The following OR9K2 variants were observed in gnomAD, a reference collection of about 807,000 sequenced individuals.
The protein encoded by OR9K2 is olfactory receptor family 9 subfamily K member 2.
A neutral mutation model predicts 12.4 loss-of-function variants in OR9K2; 16 were observed. The ratio of observed to expected loss-of-function variants is 1.29; its 90% CI spans 0.87 to 1.95. The LOEUF (loss-of-function observed/expected upper bound fraction) is 1.95. OR9K2 is among the 30% of genes most tolerant of loss of function. OR9K2 has a pLI of 0.00. For missense variants in OR9K2, 434 were observed against 376.5 expected (o/e 1.15, Z -1.26); for synonymous variants, 133 against 133.2 (o/e 1.00, Z 0.01).
In OR9K2 at chr12:55,131,882, A is replaced by T; in HGVS notation, c.*1106A>T. 1 of 152,218 alleles carries T rather than the reference A, an allele frequency of 6.6e-6. No homozygotes were observed. Among genetic ancestry groups the T allele is most frequent in the East Asian group, 1.9e-4 (1 of 5,198 alleles). The allele number at this position is 152,218 out of a possible 1,614,324, so 9.4% of individuals were successfully genotyped here. On this transcript the variant is annotated 3_prime_UTR_variant, in exon 3 of 3. Coordinates refer to ENST00000641329, the MANE Select transcript of OR9K2 (RefSeq NM_001005243.2). The stretch of plus-strand genomic sequence containing the variant: ...TGGTTTATAATATTGATGTGGGCTC[A>T]ATGGTATGTCGATATTAATGAACAA...
intron 2 of OR9K2, among the ~76,000 whole-genome samples, chr12:55,129,520 TG>T (rs761150775): frequency 9.9e-5 from 15 of 152,100 alleles, no homozygotes; most frequent in Non-Finnish European, 2.1e-4. Flanking sequence ...GTGTGAATCA[TG>T]AGTGGGAAAT....
chr12:55,131,016 A>T lies in OR9K2; in HGVS notation c.*240A>T. 1 of 336,048 alleles carries T rather than the reference A, an allele frequency of 3.0e-6. No homozygotes were observed. Among genetic ancestry groups the T allele is most frequent in the South Asian group, 5.1e-5 (1 of 19,668 alleles). The allele number at this position is 336,048 out of a possible 1,614,324, so 20.8% of individuals were successfully genotyped here. ...ATGATAAACCCTCTCACTGGTCTTCAACATTTTATTTCACAGAATTTATAT... is the reference window on the plus strand; with the variant it reads ...ATGATAAACCCTCTCACTGGTCTTCTACATTTTATTTCACAGAATTTATAT... On this transcript the variant is annotated 3_prime_UTR_variant, in exon 3 of 3. Transcript: ENST00000641329.
Position 55,130,020 on chromosome 12 carries a change from G to A in OR9K2, c.186G>A (p.Met62Ile), listed in dbSNP as rs568585391. Residue 62 changes from methionine to isoleucine, a missense_variant, in exon 3 of 3, where the codon ATG (methionine) becomes ATA (isoleucine). Transcript: ENST00000641329. ...CTGATCCTCGGCTGAACACACCAAT[G>A]TATTTTTTCCTAGGCAATCTCTCCT... is the stretch of plus-strand genomic sequence containing the variant. The part of the protein sequence containing the change: ...IMTDPRLNTP[M>I]YFFLGNLSFI... 3 of 1,613,330 alleles carry A rather than the reference G, an allele frequency of 1.9e-6. No individual in the cohort carries two copies. The highest frequency in any genetic ancestry group is 2.7e-5 in the African/African-American group (2 of 74,914).
At position 55,130,713 on chromosome 12, in the gene OR9K2, G is replaced by T. The variant is rs766958148; in HGVS notation, c.879G>T (p.Leu293=). ...TGTTGAATCCTTTGATTTACTCTCT[G>T]AGGAACAAAGATGTCCAAGAGGCTC... The part of the protein sequence containing the change: ...TPMLNPLIYS[L]RNKDVQEALK... Residue 293 remains leucine (L), a synonymous_variant, in exon 3 of 3, where the codon CTG becomes CTT. Coordinates refer to ENST00000641329, the MANE Select transcript of OR9K2 (RefSeq NM_001005243.2). 6.2e-7 allele frequency: 1 copy of T among 1,609,278 alleles called. No individual in the cohort carries two copies. The highest frequency in any genetic ancestry group is 8.5e-7 in the Non-Finnish European group (1 of 1,176,066).
In OR9K2 at chr12:55,129,582, A is replaced by G. The variant is rs1592489543; in HGVS notation, c.-9-244A>G. On this transcript the variant is annotated intron_variant, in intron 2 of 2. Transcript: ENST00000641329. Reference sequence around the variant, plus strand: ...GTGAAAGGCATTTGGGTAGAAAGGCATTGTATTAGATGCAGAGGCAAAAAA... The same window carrying G: ...GTGAAAGGCATTTGGGTAGAAAGGCGTTGTATTAGATGCAGAGGCAAAAAA... 3 of 567,596 alleles carry G rather than the reference A, an allele frequency of 5.3e-6. No individual in the cohort carries two copies. The South Asian group carries it at 7.6e-5, about 14-fold the overall frequency. The allele number at this position is 567,596 out of a possible 1,614,324, so 35.2% of individuals were successfully genotyped here.
chr12:55,126,675 G>C (rs1424436422), intron 1 of OR9K2, among the ~76,000 whole-genome samples, 153 bp from the exon 2 acceptor site: 1 of 152,088 alleles, frequency 6.6e-6, no homozygotes, highest in Non-Finnish European at 1.5e-5. Flanking sequence ...AGAGCAATGA[G>C]GCACATAAGC....
Position 55,132,574 on chromosome 12 carries a change from G to A in OR9K2, c.*1798G>A, listed in dbSNP as rs11171312. The A allele has an allele frequency of 0.33, 49,525 of 152,014 alleles. 8,338 individuals carry two copies. The highest frequency in any genetic ancestry group is 0.4 in the Middle Eastern group (119 of 294). 9.4% of individuals were successfully genotyped at this position (152,014 alleles called of 1,614,324 possible). A position where few individuals can be genotyped will look rare whatever the true frequency, so the allele number is the denominator to read the frequency against. ...AACTCTGCTGACACCTTGATCTTGG[G>A]CTTCCAGCCTCTATCACTAAGAAAA... On this transcript the variant is annotated 3_prime_UTR_variant, in exon 3 of 3. Transcript: ENST00000641329.
At chr12:55,127,430 T>C (rs986744054) in intron 2 of OR9K2, among the ~76,000 whole-genome samples, 1 of 152,018 alleles carries the variant, frequency 6.6e-6, no homozygotes, top group African/African-American at 2.4e-5. Context: ...GTCAGCTTTC[T>C]TTCACTTCTT....
rs976872077 is a variant in OR9K2, at chr12:55,130,464, C to T, written c.630C>T (p.Ile210=). The T allele has an allele frequency of 1.2e-6, 2 of 1,613,124 alleles. No homozygotes were observed. Among genetic ancestry groups the T allele is most frequent in the Non-Finnish European group, 1.7e-6 (2 of 1,179,270 alleles). The change falls in exon 3 of 3, where the codon ATC becomes ATT. Residue 210 remains isoleucine, a synonymous_variant. Transcript: ENST00000641329. ...CTTTTTCCTTATCATGTATTATTAT[C>T]TTGCCTACTATCATAGTCATTATAG... ...MISFSLSCII[I]LPTIIVIIVS...
At position 55,130,168 on chromosome 12, in the gene OR9K2, G is replaced by A. The variant is rs1238598754; in HGVS notation, c.334G>A (p.Val112Met). The stretch of plus-strand genomic sequence containing the variant: ...GCTCTTTCTCTTTGCCCTCCTCATT[G>A]TGACTGAGGGATTTCTCCTGGCGGC... ...AQLFLFALLI[V>M]TEGFLLAAMA... Residue 112 changes from valine (V) to methionine (M), a missense_variant, in exon 3 of 3, where the codon GTG (valine) becomes ATG (methionine). Val to Met is a conservative substitution (Grantham distance 21). Transcript: ENST00000641329. The A allele has an allele frequency of 1.9e-6, 3 of 1,613,878 alleles. No homozygotes were observed. The highest frequency in any genetic ancestry group is 2.5e-6 in the Non-Finnish European group (3 of 1,180,010).
chr12:55,130,054 C>A lies in OR9K2; in HGVS notation c.220C>A (p.Leu74Ile), dbSNP rs1953459023. The change falls in exon 3 of 3, where the codon CTT becomes ATT. Residue 74 changes from leucine (L) to isoleucine (I), a missense_variant. By Grantham distance (5) the Leu-to-Ile change is conservative. Transcript: ENST00000641329. ...FFLGNLSFID[L>I]FYSSVIEPKA... ...CCTAGGCAATCTCTCCTTCATTGAT[C>A]TTTTCTATTCATCTGTTATTGAACC... is the stretch of plus-strand genomic sequence containing the variant. 6.2e-7 allele frequency: 1 copy of A among 1,612,594 alleles called. No homozygotes were observed. The highest frequency in any genetic ancestry group is 1.3e-5 in the African/African-American group (1 of 75,022).
intron 2 of OR9K2, among the ~76,000 whole-genome samples, chr12:55,127,317 A>C (rs6581020): frequency 0.33 from 49,309 of 151,492 alleles, 8,298 homozygotes; most frequent in Middle Eastern, 0.4. Context: ...GATAGAAATA[A>C]ATCTTAGAAA....
chr12:55,127,589 T>G (rs11171305), intron 2 of OR9K2, among the ~76,000 whole-genome samples: 49,392 of 151,774 alleles, frequency 0.33, 8,299 homozygotes, highest in Middle Eastern at 0.4. Flanking sequence ...AACATCTTAT[T>G]CAGCTTTTCT....
chr12:55,130,307 G>A lies in OR9K2; in HGVS notation c.473G>A (p.Ser158Asn). The A allele has an allele frequency of 1.9e-6, 3 of 1,613,942 alleles. No individual in the cohort carries two copies. Among genetic ancestry groups the A allele is most frequent in the Non-Finnish European group, 2.5e-6 (3 of 1,179,964 alleles). ...GGTTCCTATTTTTGTGGCTGCATTA[G>A]CTCAGTTATTCAGACTAGCATGACA... ...VAGSYFCGCI[S>N]SVIQTSMTFT... The change falls in exon 3 of 3, where the codon AGC becomes AAC. Residue 158 changes from serine to asparagine, a missense_variant. By Grantham distance (46) the Ser-to-Asn change is conservative (BLOSUM62 1). Coordinates refer to ENST00000641329, the MANE Select transcript of OR9K2 (RefSeq NM_001005243.2).
At chr12:55,127,465 C>T (rs1439844002) in intron 2 of OR9K2, among the ~76,000 whole-genome samples, 2 of 151,942 alleles carry the variant, frequency 1.3e-5, no homozygotes, top group Admixed American at 6.6e-5. Context: ...TTTCCAGACC[C>T]TAAGTGCAAT....
chr12:55,128,001 G>C (rs1047307359), intron 2 of OR9K2, among the ~76,000 whole-genome samples: 1 of 151,924 alleles, frequency 6.6e-6, no homozygotes, highest in Non-Finnish European at 1.5e-5. Context: ...CTGGAGCCTA[G>C]ATTTATTTAA....
Position 55,130,806 on chromosome 12 carries a change from T to C in OR9K2, c.*30T>C. The C allele has an allele frequency of 7.6e-7, 1 of 1,310,430 alleles. No individual in the cohort carries two copies. Among genetic ancestry groups the C allele is most frequent in the Non-Finnish European group, 1.1e-6 (1 of 943,050 alleles). 81.2% of individuals were successfully genotyped at this position (1,310,430 alleles called of 1,614,324 possible). On this transcript the variant is annotated 3_prime_UTR_variant, in exon 3 of 3. Coordinates refer to ENST00000641329, the MANE Select transcript of OR9K2 (RefSeq NM_001005243.2). ...TATTTCTCTTTCACCAATTTTATTG[T>C]GGCTATTTATTTAATACACCTGTGT...
At position 55,130,636 on chromosome 12, in the gene OR9K2, T is replaced by A. The variant is rs1953466405; in HGVS notation, c.802T>A (p.Phe268Ile). ...VFFMYLTPDR[F>I]PELSKVASLC... ...TTTTATGTATCTCACTCCTGACAGA[T>A]TTCCTGAGCTGAGTAAAGTGGCATC... The change falls in exon 3 of 3, where the codon TTT becomes ATT. Residue 268 changes from phenylalanine (F) to isoleucine (I), a missense_variant. Transcript: ENST00000641329. 1.2e-6 allele frequency: 2 copies of A among 1,613,910 alleles called. No homozygotes were observed. Among genetic ancestry groups the A allele is most frequent in the Non-Finnish European group, 1.7e-6 (2 of 1,179,870 alleles).
In OR9K2 at chr12:55,130,745, A is replaced by C; in HGVS notation, c.911A>C (p.Lys304Thr). Residue 304 changes from lysine to threonine, a missense_variant, in exon 3 of 3, where the codon AAA becomes ACA. Transcript: ENST00000641329. ...RNKDVQEALK[K>T]FLEKKNIIL is the part of the protein sequence containing the mutation. Reference sequence around the variant, plus strand: ...AAAGATGTCCAAGAGGCTCTAAAAAAATTTCTAGAGAAGAAAAATATTATT... The same window carrying C: ...AAAGATGTCCAAGAGGCTCTAAAAACATTTCTAGAGAAGAAAAATATTATT... 1 of 1,570,938 alleles carries C rather than the reference A, an allele frequency of 6.4e-7. No individual in the cohort carries two copies. The highest frequency in any genetic ancestry group is 1.9e-5 in the Admixed American group (1 of 52,398).
Sources: gnomAD v4.1 joint callset for allele counts (sites outside exome capture counted in the v4.1 genomes callset) on GRCh38, gnomAD v4.1.1 for gene constraint, MANE v1.5 for transcripts, NCBI Gene and HGNC (gene_info 2026-07-23, HGNC 2026-07-21) for gene names.